Variants in DPPA4 observed in about 807,000 individuals in gnomAD.
DPPA4 encodes the protein developmental pluripotency associated 4, also known as developmental pluripotency-associated protein 4.
Under a neutral mutation model 33.7 loss-of-function variants are expected in DPPA4, and 22 were observed. That is an observed-to-expected ratio of 0.65 (90% CI 0.47 to 0.93). DPPA4 has a LOEUF of 0.93. Among genes scored for constraint, DPPA4 ranks in the 40% least tolerant of loss-of-function variants. The pLI is 0.00. For synonymous variants in DPPA4, 156 were observed against 132.3 expected (o/e 1.18, Z -1.23); for missense variants, 340 against 358.6 (o/e 0.95, Z 0.42).
At chr3:109,330,392 ACT>A (rs1708041401) in intron 5 of DPPA4, 130 bp downstream of exon 5, 1 of 990,630 alleles carries the variant, frequency 1.0e-6, no homozygotes, top group East Asian at 2.4e-5. Context: ...TGCACCAGAA[ACT>A]CTGTGGGCAG....
Position 109,327,982 on chromosome 3 carries a change from G to A in DPPA4, c.*6C>T, listed in dbSNP as rs368995410. On this transcript the variant is annotated 3_prime_UTR_variant, in exon 7 of 7. Coordinates refer to ENST00000335658, the MANE Select transcript of DPPA4 (RefSeq NM_018189.4). ...TTACCATAGATGTGGCCTTTTTCCT[G>A]ATATTCTATTCCCATTGGAGGCTTT... is the stretch of plus-strand genomic sequence containing the variant. 1 of 1,544,150 alleles carries A rather than the reference G, an allele frequency of 6.5e-7. No homozygotes were observed. The highest frequency in any genetic ancestry group is 8.9e-7 in the Non-Finnish European group (1 of 1,117,686).
intron 4 of DPPA4, 45 bp downstream of exon 4, chr3:109,331,689 G>A: frequency 6.3e-7 from 1 of 1,589,096 alleles, no homozygotes; most frequent in Non-Finnish European, 8.6e-7. Context: ...GGCTACAATA[G>A]GTAATTAGGA....
At chr3:109,332,219 A>C (rs963590544) in intron 2 of DPPA4, 188 bp from the exon 3 acceptor site, 1 of 421,690 alleles carries the variant, frequency 2.4e-6, no homozygotes, top group African/African-American at 2.0e-5. Context: ...CTCCTGCCTC[A>C]GCCTCCTGAG....
At chr3:109,337,363 G>C in intron 1 of DPPA4, 101 bp downstream of exon 1, 1 of 1,029,108 alleles carries the variant, frequency 9.7e-7, no homozygotes, top group Admixed American at 2.2e-5. Context: ...GAGAAAATTC[G>C]AAGGCACATT....
Position 109,334,269 on chromosome 3 carries a change from G to A in DPPA4, c.55-276C>T, listed in dbSNP as rs530078056. On this transcript the variant is annotated intron_variant, in intron 1 of 6. Coordinates refer to ENST00000335658, the MANE Select transcript of DPPA4 (RefSeq NM_018189.4). ...CAGCTCTGCCTTGAGGGGAAAAAGC[G>A]CTTAGGTAGGCTCACGCCTGTAGTC... Among the ~76,000 whole-genome samples, 4 of 152,296 alleles carry A rather than the reference G, an allele frequency of 2.6e-5. No homozygotes were observed. The South Asian group carries it at 8.3e-4, about 32-fold the overall frequency.
chr3:109,332,172 G>T, intron 2 of DPPA4, 141 bp from the exon 3 acceptor site: 1 of 652,950 alleles, frequency 1.5e-6, no homozygotes, highest in Non-Finnish European at 2.5e-6. Context: ...CGCGATCTTG[G>T]CTCCCTGCAA....
intron 1 of DPPA4, among the ~76,000 whole-genome samples, chr3:109,334,476 G>T (rs1333308115): frequency 6.6e-6 from 1 of 151,904 alleles, no homozygotes; most frequent in East Asian, 1.9e-4. Flanking sequence ...GAGCCAGGGA[G>T]GTAGGTAGAG....
At chr3:109,334,965 A>G (rs1708160580) in intron 1 of DPPA4, among the ~76,000 whole-genome samples, 1 of 152,096 alleles carries the variant, frequency 6.6e-6, no homozygotes, top group African/African-American at 2.4e-5. Context: ...CCACTTGTTA[A>G]TTGCAATTAC....
At chr3:109,330,491 T>C (rs755213838) in intron 5 of DPPA4, 33 bp downstream of exon 5, 2 of 1,611,094 alleles carry the variant, frequency 1.2e-6, no homozygotes, top group South Asian at 2.2e-5. Context: ...ATTTCCCCAT[T>C]GGACCAGAAT....
chr3:109,333,213 C>T (rs926603521), intron 2 of DPPA4, among the ~76,000 whole-genome samples: 2 of 151,534 alleles, frequency 1.3e-5, no homozygotes, highest in African/African-American at 4.9e-5. Context: ...TGGTGGCACA[C>T]GCCTGCAATC....
intron 5 of DPPA4, chr3:109,330,294 CT>C (rs1708032694): frequency 2.6e-6 from 1 of 391,278 alleles, no homozygotes; most frequent in African/African-American, 4.1e-5. Flanking sequence ...AAGGGAGAAA[CT>C]GTCTCAAAAA....
chr3:109,328,553 A>C (rs1284233426), intron 6 of DPPA4, among the ~76,000 whole-genome samples: 7 of 152,276 alleles, frequency 4.6e-5, no homozygotes, highest in Admixed American at 4.6e-4. Context: ...AGGTGTTTAC[A>C]TGCCCACCAT....
intron 4 of DPPA4, 119 bp downstream of exon 4, chr3:109,331,615 C>A: frequency 7.3e-5 from 41 of 563,302 alleles, no homozygotes; most frequent in Non-Finnish European, 1.0e-4. Context: ...AAATATTGTT[C>A]TTTCTTAGAA....
chr3:109,327,078 A>G lies in DPPA4; in HGVS notation c.*910T>C, dbSNP rs985085159. Reference sequence around the variant, plus strand: ...AACTCCAGAAATATACAAAACAATTATAAGTGAAATAATACAAAGTCCCTT... The same window carrying G: ...AACTCCAGAAATATACAAAACAATTGTAAGTGAAATAATACAAAGTCCCTT... On this transcript the variant is annotated 3_prime_UTR_variant, in exon 7 of 7. Coordinates refer to ENST00000335658, the MANE Select transcript of DPPA4 (RefSeq NM_018189.4). The G allele has an allele frequency of 6.6e-6, 1 of 152,202 alleles. No homozygotes were observed. The highest frequency in any genetic ancestry group is 2.4e-5 in the African/African-American group (1 of 41,458). The allele number at this position is 152,202 out of a possible 1,614,324, so 9.4% of individuals were successfully genotyped here. A position where few individuals can be genotyped will look rare whatever the true frequency, so the allele number is the denominator to read the frequency against.
chr3:109,330,960 T>A, intron 4 of DPPA4, 148 bp from the exon 5 acceptor site: 1 of 806,880 alleles, frequency 1.2e-6, no homozygotes, highest in Non-Finnish European at 1.9e-6. Flanking sequence ...TATACATAGT[T>A]AATAACAATG....
upstream of DPPA4, chr3:109,337,685 G>T: frequency 1.6e-6 from 1 of 639,502 alleles, no homozygotes. Context: ...CTTATTCATG[G>T]GGTGACTTTT....
chr3:109,330,470 C>T (rs1339685982), intron 5 of DPPA4, 54 bp downstream of exon 5: 1 of 1,595,748 alleles, frequency 6.3e-7, no homozygotes, highest in Non-Finnish European at 8.6e-7. Flanking sequence ...TGATTAATAT[C>T]TACTAAGCTT....
At chr3:109,338,826 A>G (rs1054643754), upstream of DPPA4, among the ~76,000 whole-genome samples, 2 of 151,374 alleles carry the variant, frequency 1.3e-5, no homozygotes, top group African/African-American at 4.9e-5. Flanking sequence ...TTTCTAATTA[A>G]GGTTTGTGTA....
chr3:109,339,411 T>C (rs1174128286), upstream of DPPA4, among the ~76,000 whole-genome samples: 1 of 152,012 alleles, frequency 6.6e-6, no homozygotes, highest in Non-Finnish European at 1.5e-5. Flanking sequence ...CTTAGAGGGT[T>C]GTGGGCATGT....
Sources: allele counts gnomAD v4.1 joint callset (sites outside exome capture counted in the v4.1 genomes callset), GRCh38; gene constraint gnomAD v4.1.1; transcripts MANE v1.5; gene names NCBI Gene and HGNC (gene_info 2026-07-23, HGNC 2026-07-21).